RPTOR: variants seen among roughly 807,000 people sequenced by gnomAD.
The protein encoded by RPTOR is regulatory-associated protein of mTOR.
In RPTOR, 21 loss-of-function variants were observed where a neutral mutation model predicts 169.9. The observed-to-expected ratio is 0.12, with a 90% confidence interval of 0.09 to 0.18. RPTOR has a LOEUF of 0.18. Ranked by LOEUF, RPTOR falls within the 10% of genes least tolerant of loss-of-function variation. RPTOR has a pLI of 1.00. For synonymous variants in RPTOR, 732 were observed against 753.2 expected, an observed-to-expected ratio of 0.97 and a Z score of 0.46; for missense variants, 1,133 against 1,855.9, an observed-to-expected ratio of 0.61 and a Z score of 7.16.
chr17:80,662,995 G>A (rs12601423), intron 3 of RPTOR, among the ~76,000 whole-genome samples: 29,410 of 152,202 alleles, frequency 0.19, 3,051 homozygotes, highest in East Asian at 0.24. Context: ...AGCCTTGCCA[G>A]CCTTTTCTCC....
chr17:80,737,115 G>C (rs572308481), intron 5 of RPTOR, among the ~76,000 whole-genome samples: 2 of 152,274 alleles, frequency 1.3e-5, no homozygotes. Context: ...GTTTCCTCCA[G>C]CATAATTTTT....
At chr17:80,664,533 T>C (rs879288291) in intron 3 of RPTOR, among the ~76,000 whole-genome samples, 21 of 145,304 alleles carry the variant, frequency 1.4e-4, no homozygotes, top group Non-Finnish European at 1.7e-4. Context: ...CTTTCCTTCT[T>C]CTCTTCCTCA....
At chr17:80,630,475 T>TGTATGC (rs2065433755) in intron 2 of RPTOR, among the ~76,000 whole-genome samples, 1 of 152,138 alleles carries the variant, frequency 6.6e-6, no homozygotes, top group Non-Finnish European at 1.5e-5. Context: ...AGTATGTATG[T>TGTATGC]ATGTATGCAT....
At chr17:80,908,788 C>T (rs2068576047) in intron 20 of RPTOR, 23 bp from the exon 21 acceptor site, 1 of 1,569,168 alleles carries the variant, frequency 6.4e-7, no homozygotes, top group African/African-American at 1.3e-5. Context: ...TCCACTAAAA[C>T]ATCTTCCATT....
intron 5 of RPTOR, among the ~76,000 whole-genome samples, chr17:80,741,822 G>A (rs539809239): frequency 9.2e-5 from 14 of 152,272 alleles, no homozygotes; most frequent in African/African-American, 2.4e-4. Flanking sequence ...GAGGCCAGTC[G>A]AGGCCTGCGT....
At chr17:80,568,422 C>T (rs1430770418) in intron 1 of RPTOR, among the ~76,000 whole-genome samples, 1 of 152,152 alleles carries the variant, frequency 6.6e-6, no homozygotes, top group Non-Finnish European at 1.5e-5. Context: ...TGTCTTGTTC[C>T]TGAAGTCTGC....
In RPTOR at chr17:80,923,818, C is replaced by G. The variant is rs557530824; in HGVS notation, c.2808+145C>G. On this transcript the variant is annotated intron_variant, in intron 23 of 33. Coordinates refer to ENST00000306801, the MANE Select transcript of RPTOR (RefSeq NM_020761.3). ...CCGTCCTGGGTCTGTGGGCCACTCT[C>G]TGCCTTTGCAGACCCGGGTGCTGGT... The G allele has an allele frequency of 5.5e-5, 50 of 908,086 alleles. No homozygotes were observed. The Admixed American group carries it at 9.5e-4, about 17-fold the overall frequency. 56.3% of individuals were successfully genotyped at this position (908,086 alleles called of 1,614,324 possible). A position where few individuals can be genotyped will look rare whatever the true frequency, so the allele number is the denominator to read the frequency against.
rs2069303483 is a variant in RPTOR at position 80,959,358 on chromosome 17, G to A, written c.3478-720G>A. Reference sequence around the variant, plus strand: ...GGCCCAGGTGGCCTGCGGGGCAGGTGCTGTTCCTGCAGAGGTGGGTGGAGG... The same window carrying A: ...GGCCCAGGTGGCCTGCGGGGCAGGTACTGTTCCTGCAGAGGTGGGTGGAGG... On this transcript the variant is annotated intron_variant, in intron 29 of 33. Coordinates refer to ENST00000306801, the MANE Select transcript of RPTOR (RefSeq NM_020761.3). The surrounding 1 kb of genome is among the most constrained non-coding windows in gnomAD (Gnocchi z 6.7). 6.6e-6 allele frequency among the ~76,000 whole-genome samples: 1 copy of A among 152,192 alleles called. No individual in the cohort carries two copies. The highest frequency in any genetic ancestry group is 2.4e-5 in the African/African-American group (1 of 41,446).
chr17:80,675,974 C>T (rs1028144467), intron 3 of RPTOR, among the ~76,000 whole-genome samples: 2 of 151,958 alleles, frequency 1.3e-5, no homozygotes, highest in Admixed American at 1.3e-4. Flanking sequence ...GTGAATTTCA[C>T]TAAATCACAA....
chr17:80,558,712 A>G (rs1226890565), intron 1 of RPTOR, among the ~76,000 whole-genome samples: 1 of 152,092 alleles, frequency 6.6e-6, no homozygotes, highest in African/African-American at 2.4e-5. Flanking sequence ...ACGTAAGCAC[A>G]GTGCAGTTGT....
chr17:80,780,737 A>G (rs1200568402), intron 6 of RPTOR, among the ~76,000 whole-genome samples: 3 of 152,182 alleles, frequency 2.0e-5, no homozygotes, highest in African/African-American at 4.8e-5. Context: ...AGCCTGTGGC[A>G]GGGTGGATCC....
chr17:80,874,810 G>A (rs1598369427), intron 13 of RPTOR, among the ~76,000 whole-genome samples: 1 of 152,064 alleles, frequency 6.6e-6, no homozygotes, highest in Admixed American at 6.6e-5. Context: ...TCACGTTACG[G>A]TAACACACCA....
intron 3 of RPTOR, among the ~76,000 whole-genome samples, chr17:80,687,297 A>G (rs1239267923): frequency 1.3e-5 from 2 of 151,914 alleles, no homozygotes; most frequent in African/African-American, 4.8e-5. Context: ...CCACCACACC[A>G]TCCCTCACAT....
At chr17:80,764,524 G>A (rs1256662371) in intron 6 of RPTOR, among the ~76,000 whole-genome samples, 1 of 151,786 alleles carries the variant, frequency 6.6e-6, no homozygotes, top group Non-Finnish European at 1.5e-5. Flanking sequence ...GTATTCCATG[G>A]TGTATATGTG....
chr17:80,945,315 C>A (rs1022689557), intron 25 of RPTOR, among the ~76,000 whole-genome samples: 5 of 150,814 alleles, frequency 3.3e-5, no homozygotes, highest in Admixed American at 2.6e-4. Flanking sequence ...AAAAGGGGCC[C>A]GGCGCGGTGG....
chr17:80,957,501 TG>T lies in RPTOR; in HGVS notation c.3371-120del. 2.4e-6 allele frequency: 2 copies of T among 847,676 alleles called. No homozygotes were observed. The highest frequency in any genetic ancestry group is 4.0e-6 in the Non-Finnish European group (2 of 499,744). 52.5% of individuals were successfully genotyped at this position (847,676 alleles called of 1,614,324 possible). A position where few individuals can be genotyped will look rare whatever the true frequency, so the allele number is the denominator to read the frequency against. ...ATATGAGGCATATGGACCCACCAGA[TG>T]GGCTCGATGGTGGCAGGGGTACCTT... On this transcript the variant is annotated intron_variant, in intron 28 of 33. Coordinates refer to ENST00000306801, the MANE Select transcript of RPTOR (RefSeq NM_020761.3). The surrounding 1 kb of genome is among the most constrained non-coding windows in gnomAD (Gnocchi z 4.6).
At chr17:80,808,132 C>CA (rs35162861) in intron 7 of RPTOR, among the ~76,000 whole-genome samples, 51,624 of 147,406 alleles carry the variant, frequency 0.35, 9,080 homozygotes, top group Middle Eastern at 0.46. Context: ...CTATCTCTAC[C>CA]AAAAAAAAAA....
chr17:80,801,239 G>A lies in RPTOR; in HGVS notation c.890+9730G>A, dbSNP rs532416530. On this transcript the variant is annotated intron_variant, in intron 7 of 33. Coordinates refer to ENST00000306801, the MANE Select transcript of RPTOR (RefSeq NM_020761.3). Reference sequence around the variant, plus strand: ...AGGAAGCATTTACTGAGCCCCCATGGTGCCAGGCATCGTGCTGAGGCCTTT... The same window carrying A: ...AGGAAGCATTTACTGAGCCCCCATGATGCCAGGCATCGTGCTGAGGCCTTT... 1.4e-4 allele frequency among the ~76,000 whole-genome samples: 22 copies of A among 152,300 alleles called. No individual in the cohort carries two copies. In the East Asian group the frequency reaches 4.1e-3, roughly 28 times the overall value.
chr17:80,561,142 C>T (rs2084481973), intron 1 of RPTOR, among the ~76,000 whole-genome samples: 1 of 150,546 alleles, frequency 6.6e-6, no homozygotes, highest in Admixed American at 6.6e-5. Context: ...GTGATCTCGG[C>T]TCACTGCAAT....
Sources: allele counts gnomAD v4.1 joint callset (sites outside exome capture counted in the v4.1 genomes callset), GRCh38; gene constraint gnomAD v4.1.1; non-coding constraint Gnocchi (gnomAD v3.1); transcripts MANE v1.5; gene names NCBI Gene and HGNC (gene_info 2026-07-23, HGNC 2026-07-21).